The following TMTC1 variants were observed in gnomAD, a reference collection of about 807,000 sequenced individuals.
TMTC1 encodes protein O-mannosyl-transferase TMTC1.
Under a neutral mutation model 104.8 loss-of-function variants are expected in TMTC1, and 73 were observed. The ratio of observed to expected loss-of-function variants is 0.70; its 90% CI spans 0.58 to 0.85. The LOEUF (loss-of-function observed/expected upper bound fraction) is 0.85. TMTC1 is among the 40% of genes least tolerant of loss of function. The probability of loss-of-function intolerance (pLI) is 0.00; values close to 1 mark genes in which losing one functional copy is unlikely to be tolerated. For synonymous variants in TMTC1, 434 were observed against 428.7 expected (o/e 1.01, Z -0.15); for missense variants, 1,035 against 1,096.1 (o/e 0.94, Z 0.79).
intron 8 of TMTC1, among the ~76,000 whole-genome samples, chr12:29,572,965 C>T (rs1228159060): frequency 6.6e-6 from 1 of 152,184 alleles, no homozygotes; most frequent in Non-Finnish European, 1.5e-5. Flanking sequence ...ATGCAGTGTC[C>T]TCTATTCTCT....
Position 29,516,339 on chromosome 12 carries a change from C to T in TMTC1, c.2307+10G>A, listed in dbSNP as rs763012451. The T allele has an allele frequency of 6.2e-7, 1 of 1,610,940 alleles. No individual in the cohort carries two copies. The highest frequency in any genetic ancestry group is 1.7e-5 in the Admixed American group (1 of 59,646). On this transcript the variant is annotated intron_variant, in intron 15 of 17. Coordinates refer to ENST00000539277, the MANE Select transcript of TMTC1 (RefSeq NM_001193451.2). Reference sequence around the variant, plus strand: ...GAATCCAAAGAACTCTAAACAATGTCCTTCTTTACCTTGTCGTGGTTCTCC... The same window carrying T: ...GAATCCAAAGAACTCTAAACAATGTTCTTCTTTACCTTGTCGTGGTTCTCC...
intron 5 of TMTC1, among the ~76,000 whole-genome samples, chr12:29,723,588 T>C (rs1253720043): frequency 6.6e-6 from 1 of 151,898 alleles, no homozygotes; most frequent in Non-Finnish European, 1.5e-5. Flanking sequence ...GTCAGATGTC[T>C]GTAATCCCAG....
At position 29,516,404 on chromosome 12, in the gene TMTC1, A is replaced by C; in HGVS notation, c.2252T>G (p.Leu751Arg). 6.2e-7 allele frequency: 1 copy of C among 1,614,054 alleles called. No individual in the cohort carries two copies. Among genetic ancestry groups the C allele is most frequent in the South Asian group, 1.1e-5 (1 of 91,064 alleles). Residue 751 changes from leucine to arginine, a missense_variant, in exon 15 of 18, where the codon CTT becomes CGT. Transcript: ENST00000539277. ...GGCTGACAAGAGGCGATAGCATTCAAGGCATCCGGTCTCCTCTGACACAAT... is the reference window on the plus strand; with the variant it reads ...GGCTGACAAGAGGCGATAGCATTCACGGCATCCGGTCTCCTCTGACACAAT... The part of the protein sequence containing the change: ...NHIVSEETGC[L>R]ECYRLLSAIY...
intron 5 of TMTC1, among the ~76,000 whole-genome samples, chr12:29,725,676 C>T (rs2136898709): frequency 6.6e-6 from 1 of 152,284 alleles, no homozygotes; most frequent in East Asian, 1.9e-4. Flanking sequence ...ATTACATGCT[C>T]TATGGAGACA....
rs59108744 is a variant in TMTC1 at position 29,600,008 on chromosome 12, A to ATATATATATAT, written c.1250+4169_1250+4170insATATATATATA. 7.1e-4 allele frequency among the ~76,000 whole-genome samples: 84 copies of ATATATATATAT among 118,674 alleles called. 1 individual carries two copies. The highest frequency in any genetic ancestry group is 2.0e-3 in the South Asian group (8 of 3,928). 77.9% of individuals were successfully genotyped at this position (118,674 alleles called of 152,430 possible). Reference sequence around the variant, plus strand: ...TGTGTATATACATATATATATATATATTTTTTTTTTTTTTTCCCTCAAAAG... The same window carrying ATATATATATAT: ...TGTGTATATACATATATATATATATATATATATATATTTTTTTTTTTTTTTTCCCTCAAAAG... On this transcript the variant is annotated intron_variant, in intron 7 of 17. Coordinates refer to ENST00000539277, the MANE Select transcript of TMTC1 (RefSeq NM_001193451.2).
intron 8 of TMTC1, among the ~76,000 whole-genome samples, chr12:29,582,207 G>A (rs1327221869): frequency 6.6e-6 from 1 of 152,188 alleles, no homozygotes; most frequent in African/African-American, 2.4e-5. Context: ...AGAGTGCAGT[G>A]AACCTTTGTC....
intron 5 of TMTC1, chr12:29,658,541 TA>T (rs1939865048): frequency 6.1e-6 from 1 of 164,378 alleles, no homozygotes; most frequent in African/African-American, 2.4e-5. Flanking sequence ...TTAAATCGCT[TA>T]GCAAGAATCT....
At chr12:29,573,968 T>C (rs537474656) in intron 8 of TMTC1, among the ~76,000 whole-genome samples, 1 of 151,268 alleles carries the variant, frequency 6.6e-6, no homozygotes, top group Non-Finnish European at 1.5e-5. Context: ...CTGAGGAACC[T>C]CAGAGAGGAG....
At chr12:29,627,381 A>C (rs1228500831) in intron 6 of TMTC1, among the ~76,000 whole-genome samples, 1 of 152,200 alleles carries the variant, frequency 6.6e-6, no homozygotes, top group Admixed American at 6.5e-5. Flanking sequence ...ATCATTAAGG[A>C]AATGCAAATC....
At chr12:29,780,997 T>C (rs192011880) in intron 1 of TMTC1, among the ~76,000 whole-genome samples, 1 of 152,352 alleles carries the variant, frequency 6.6e-6, no homozygotes. Context: ...GTAATCTATG[T>C]GAAGTATCTA....
At chr12:29,767,810 A>ATG (rs1943502818) in intron 2 of TMTC1, 88 bp downstream of exon 2, 3 of 1,040,420 alleles carry the variant, frequency 2.9e-6, no homozygotes, top group Non-Finnish European at 4.0e-6. Flanking sequence ...ACATATTTAC[A>ATG]TGTATATATA....
intron 6 of TMTC1, among the ~76,000 whole-genome samples, chr12:29,630,646 T>A (rs55778831): frequency 6.6e-6 from 1 of 152,210 alleles, no homozygotes; most frequent in Admixed American, 6.5e-5. Context: ...TTCTGAATAA[T>A]TGATGACACT....
chr12:29,584,289 T>C (rs1826995494), intron 7 of TMTC1, among the ~76,000 whole-genome samples: 2 of 152,174 alleles, frequency 1.3e-5, no homozygotes, highest in Admixed American at 1.3e-4. Context: ...CCTCACATCA[T>C]CTATGCACCA....
chr12:29,607,303 C>T (rs912682843), intron 6 of TMTC1, among the ~76,000 whole-genome samples: 6 of 152,172 alleles, frequency 3.9e-5, no homozygotes, highest in African/African-American at 4.8e-5. Flanking sequence ...CACTGGTGAA[C>T]GACTTTTGCT....
At chr12:29,755,213 T>C (rs1381156091) in intron 4 of TMTC1, among the ~76,000 whole-genome samples, 4 of 152,342 alleles carry the variant, frequency 2.6e-5, no homozygotes, top group South Asian at 4.1e-4. Context: ...TACGTACTCC[T>C]GTATGGTGTA....
Position 29,783,374 on chromosome 12 carries a change from C to T in TMTC1, c.302+76G>A, listed in dbSNP as rs545809934. 1.6e-6 allele frequency: 2 copies of T among 1,238,212 alleles called. No individual in the cohort carries two copies. The highest frequency in any genetic ancestry group is 1.6e-5 in the African/African-American group (1 of 64,118). 76.7% of individuals were successfully genotyped at this position (1,238,212 alleles called of 1,614,324 possible). A position where few individuals can be genotyped will look rare whatever the true frequency, so the allele number is the denominator to read the frequency against. On this transcript the variant is annotated intron_variant, in intron 1 of 17. Transcript: ENST00000539277. This position sits in a 1 kb window ranked among gnomAD's most constrained non-coding sequence, Gnocchi z 4.7. ...AAATGAAATGCCCCCAAGTCAGTCCCGCAACTTCTCCCGGTCCGAGGGACG... is the reference window on the plus strand; with the variant it reads ...AAATGAAATGCCCCCAAGTCAGTCCTGCAACTTCTCCCGGTCCGAGGGACG...
intron 6 of TMTC1, among the ~76,000 whole-genome samples, chr12:29,605,571 T>TAAA (rs34353381): frequency 4.9e-5 from 5 of 101,864 alleles, no homozygotes; most frequent in African/African-American, 1.4e-4. Context: ...CCAAAAAGGG[T>TAAA]AAAAAAAAAA....
chr12:29,635,085 T>TC (rs1938482346), intron 5 of TMTC1, among the ~76,000 whole-genome samples: 1 of 152,076 alleles, frequency 6.6e-6, no homozygotes, highest in Non-Finnish European at 1.5e-5. Context: ...TTCAACTCTT[T>TC]CCCCTCTGTT....
chr12:29,715,987 G>GTATTAT (rs140955615), intron 5 of TMTC1, among the ~76,000 whole-genome samples: 96 of 130,158 alleles, frequency 7.4e-4, no homozygotes, highest in Admixed American at 3.1e-3. Flanking sequence ...GCCAAACTCA[G>GTATTAT]TATTATTATT....
Sources: allele counts gnomAD v4.1 joint callset (sites outside exome capture counted in the v4.1 genomes callset), GRCh38; gene constraint gnomAD v4.1.1; non-coding constraint Gnocchi (gnomAD v3.1); transcripts MANE v1.5; gene names NCBI Gene and HGNC (gene_info 2026-07-23, HGNC 2026-07-21).